The following EIF4G3 variants were observed in gnomAD, a reference collection of about 807,000 sequenced individuals.
The protein encoded by EIF4G3 is eukaryotic translation initiation factor 4 gamma 3, also known as eIF-4-gamma 3.
In EIF4G3, 34 loss-of-function variants were observed where a neutral mutation model predicts 186.4. That is an observed-to-expected ratio of 0.18 (90% CI 0.14 to 0.24). The LOEUF is 0.24. EIF4G3 is among the 10% of genes least tolerant of loss of function. EIF4G3 has a pLI of 1.00. For synonymous variants in EIF4G3, 673 were observed against 679.5 expected (o/e 0.99, Z 0.15); for missense variants, 1,536 against 1,948.5 (o/e 0.79, Z 3.99).
At chr1:20,865,369 G>T in intron 20 of EIF4G3, 107 bp from the exon 21 acceptor site, 1 of 1,264,278 alleles carries the variant, frequency 7.9e-7, no homozygotes, top group Non-Finnish European at 1.1e-6. Flanking sequence ...CCACAGGTAA[G>T]CATTCTATAA....
chr1:20,852,563 G>A (rs1199126399), intron 27 of EIF4G3, among the ~76,000 whole-genome samples: 1 of 152,150 alleles, frequency 6.6e-6, no homozygotes, highest in Admixed American at 6.5e-5. Context: ...CATATTTCCT[G>A]ATTCGTCTTC....
intron 4 of EIF4G3, among the ~76,000 whole-genome samples, 170 bp from the exon 5 acceptor site, chr1:21,002,978 T>C (rs2083926826): frequency 7.0e-6 from 1 of 142,926 alleles, no homozygotes; most frequent in Non-Finnish European, 1.5e-5. Flanking sequence ...ATCAGTACAG[T>C]TCCTTTTCTT....
intron 3 of EIF4G3, among the ~76,000 whole-genome samples, chr1:21,065,784 G>A (rs2095213442): frequency 2.6e-5 from 4 of 152,068 alleles, no homozygotes. Flanking sequence ...TAAAAAGTGT[G>A]TTTAATTATT....
chr1:21,024,049 A>C lies in EIF4G3; in HGVS notation c.-66-21241T>G, dbSNP rs371742166. On this transcript the variant is annotated intron_variant, in intron 4 of 36. Transcript: ENST00000602326. ...ACCACCCCGTCTGAGAAGTGAGGAG[A>C]CCCTCCGCCCGGCAGCTGCCCCGTC... Among the ~76,000 whole-genome samples, 7 of 137,418 alleles carry C rather than the reference A, an allele frequency of 5.1e-5. No homozygotes were observed. In the South Asian group the frequency reaches 7.1e-4, roughly 14 times the overall value. 90.2% of individuals were successfully genotyped at this position (137,418 alleles called of 152,430 possible).
intron 20 of EIF4G3, among the ~76,000 whole-genome samples, chr1:20,877,209 G>C (rs2081134439): frequency 6.6e-6 from 1 of 152,134 alleles, no homozygotes; most frequent in Non-Finnish European, 1.5e-5. Context: ...TGATCCAGAG[G>C]ATCTGGGATC....
In EIF4G3 at chr1:21,015,756, G is replaced by GAAA. The variant is rs71569803; in HGVS notation, c.-66-12951_-66-12949dup. 5.7e-4 allele frequency among the ~76,000 whole-genome samples: 75 copies of GAAA among 132,132 alleles called. 1 individual carries two copies. Among genetic ancestry groups the GAAA allele is most frequent in the Admixed American group, 1.0e-3 (13 of 12,692 alleles). The allele number at this position is 132,132 out of a possible 152,430, so 86.7% of individuals were successfully genotyped here. ...CATTATTCAACATGCTGAAAGGAAAGAAAAAAAAAAAAAAAACCCTATCAC... is the reference window on the plus strand; with the variant it reads ...CATTATTCAACATGCTGAAAGGAAAGAAAAAAAAAAAAAAAAAAACCCTATCAC... On this transcript the variant is annotated intron_variant, in intron 4 of 36. Transcript: ENST00000602326.
chr1:20,807,480 CA>C lies in EIF4G3; in HGVS notation c.4764del (p.Phe1588LeufsTer9). On this transcript the variant is annotated frameshift_variant, in exon 37 of 37. Transcript: ENST00000602326. LOFTEE classifies it high-confidence loss of function. ...DQPANLLRMF[F>X]DCLYDEEVIS... The stretch of plus-strand genomic sequence containing the variant: ...ATCACCTCCTCGTCATATAGACAAT[CA>C]AAAAACATCCGCAGCAAATCTGCAA... The C allele has an allele frequency of 6.3e-7, 1 of 1,587,900 alleles. No homozygotes were observed. Among genetic ancestry groups the C allele is most frequent in the South Asian group, 1.1e-5 (1 of 87,334 alleles).
In EIF4G3 at chr1:20,913,800, A is replaced by ATTTTTTTTTTTTTTTTTTT. The variant is rs68098768; in HGVS notation, c.1664-8848_1664-8830dup. On this transcript the variant is annotated intron_variant, in intron 14 of 36. Coordinates refer to ENST00000602326, the MANE Select transcript of EIF4G3 (RefSeq NM_001391906.1). The stretch of plus-strand genomic sequence containing the variant: ...ATGAAAGTTGAGGTCAATTATTAGA[A>ATTTTTTTTTTTTTTTTTTT]TTTTTTTTTTTTTTTTTTTTTTTTG... Among the ~76,000 whole-genome samples, 2 of 75,656 alleles carry ATTTTTTTTTTTTTTTTTTT rather than the reference A, an allele frequency of 2.6e-5. 1 individual carries two copies. The allele number at this position is 75,656 out of a possible 152,430, so 49.6% of individuals were successfully genotyped here.
intron 4 of EIF4G3, among the ~76,000 whole-genome samples, chr1:21,041,683 T>C (rs1216537522): frequency 6.6e-6 from 1 of 152,202 alleles, no homozygotes; most frequent in Non-Finnish European, 1.5e-5. Context: ...ATGAAAAGTA[T>C]AACAAAATGT....
intron 2 of EIF4G3, among the ~76,000 whole-genome samples, chr1:21,146,085 A>T (rs2097435065): frequency 6.6e-6 from 1 of 152,080 alleles, no homozygotes; most frequent in South Asian, 2.1e-4. Flanking sequence ...ACACAGCAAG[A>T]CCCTGTCTCC....
intron 5 of EIF4G3, 150 bp downstream of exon 5, chr1:21,002,563 C>A: frequency 1.3e-6 from 1 of 749,698 alleles, no homozygotes; most frequent in South Asian, 2.7e-5. Flanking sequence ...AAATACAAAG[C>A]TAACAAATAA....
Position 21,039,638 on chromosome 1 carries a change from G to T in EIF4G3, c.-67+11228C>A, listed in dbSNP as rs113883054. ...TTTCCAACACCCTGAACTCCAGACT[G>T]GTGTACAGAATGAGACCTGTCTCAA... On this transcript the variant is annotated intron_variant, in intron 4 of 36. Coordinates refer to ENST00000602326, the MANE Select transcript of EIF4G3 (RefSeq NM_001391906.1). Among the ~76,000 whole-genome samples the T allele has an allele frequency of 1.6e-3, 239 of 152,180 alleles. 1 individual carries two copies. The highest frequency in any genetic ancestry group is 5.5e-3 in the African/African-American group (230 of 41,518).
intron 12 of EIF4G3, among the ~76,000 whole-genome samples, chr1:20,965,976 A>G (rs2074561421): frequency 6.6e-6 from 1 of 152,178 alleles, no homozygotes; most frequent in Admixed American, 6.5e-5. Flanking sequence ...TCTGATTCCA[A>G]GTCAAAGTTT....
chr1:21,089,154 G>A lies in EIF4G3; in HGVS notation c.-212C>T, dbSNP rs1026201306. The A allele has an allele frequency of 1.4e-6, 1 of 717,400 alleles. No individual in the cohort carries two copies. Among genetic ancestry groups the A allele is most frequent in the Non-Finnish European group, 2.6e-6 (1 of 385,058 alleles). The allele number at this position is 717,400 out of a possible 1,614,324, so 44.4% of individuals were successfully genotyped here. On this transcript the variant is annotated 5_prime_UTR_variant, in exon 3 of 37. Coordinates refer to ENST00000602326, the MANE Select transcript of EIF4G3 (RefSeq NM_001391906.1). ...GACACTCACCGTGCTGTAGACTGCT[G>A]AGACAGCGGGAGTGAAGATTCGATC...
chr1:20,834,135 T>C (rs972016488), intron 30 of EIF4G3, among the ~76,000 whole-genome samples: 1 of 152,100 alleles, frequency 6.6e-6, no homozygotes, highest in Non-Finnish European at 1.5e-5. Context: ...ATCAAAAGAC[T>C]GAGTGGCTAA....
intron 19 of EIF4G3, among the ~76,000 whole-genome samples, chr1:20,883,516 T>C (rs12076382): frequency 0.026 from 3,963 of 151,478 alleles, 169 homozygotes; most frequent in African/African-American, 0.089. Context: ...ACTTGGGAGG[T>C]TGAGGCAGAA....
intron 12 of EIF4G3, among the ~76,000 whole-genome samples, chr1:20,965,295 A>T (rs562705131): frequency 6.6e-6 from 1 of 152,248 alleles, no homozygotes; most frequent in Admixed American, 6.5e-5. Flanking sequence ...ACTCAATATT[A>T]TGTTTCACTA....
chr1:20,853,530 T>C (rs1483942185), intron 27 of EIF4G3, 30 bp downstream of exon 27: 1 of 1,496,276 alleles, frequency 6.7e-7, no homozygotes, highest in South Asian at 1.1e-5. Flanking sequence ...CGGGCCAGCC[T>C]TGAGTAGACA....
intron 3 of EIF4G3, among the ~76,000 whole-genome samples, chr1:21,063,876 A>ATTTT (rs529362148): frequency 7.3e-6 from 1 of 136,406 alleles, no homozygotes; most frequent in Non-Finnish European, 1.6e-5. Context: ...CACCCAGCTA[A>ATTTT]TTTTTTTTTT....
Sources: allele counts gnomAD v4.1 joint callset (sites outside exome capture counted in the v4.1 genomes callset), GRCh38; gene constraint gnomAD v4.1.1; transcripts MANE v1.5; gene names NCBI Gene and HGNC (gene_info 2026-07-23, HGNC 2026-07-21).